LIMCH1: variants seen among roughly 807,000 people sequenced by gnomAD.
LIMCH1 encodes LIM and calponin homology domains 1, also known as LIM and calponin homology domains-containing protein 1.
A neutral mutation model predicts 176.5 loss-of-function variants in LIMCH1; 113 were observed. The ratio of observed to expected loss-of-function variants is 0.64; its 90% CI spans 0.55 to 0.75. LIMCH1 has a LOEUF of 0.75. LIMCH1 is among the 30% of genes least tolerant of loss of function. The probability of loss-of-function intolerance (pLI) is 0.00; values close to 1 mark genes in which losing one functional copy is unlikely to be tolerated. For missense variants in LIMCH1, 1,674 were observed against 1,814.9 expected (o/e 0.92, Z 1.41); for synonymous variants, 619 against 645.9 (o/e 0.96, Z 0.63).
chr4:41,528,904 G>A (rs2076964433), intron 3 of LIMCH1, among the ~76,000 whole-genome samples: 1 of 152,206 alleles, frequency 6.6e-6, no homozygotes, highest in Admixed American at 6.5e-5. Context: ...GGGTGAAGGT[G>A]TTAAAACAAA....
At position 41,626,701 on chromosome 4, in the gene LIMCH1, C is replaced by T; in HGVS notation, c.726-7C>T. On this transcript the variant is annotated splice_region_variant and splice_polypyrimidine_tract_variant and intron_variant, in intron 7 of 31. Coordinates refer to ENST00000503057, the MANE Select transcript of LIMCH1 (RefSeq NM_001330672.2). ...ATGTGGAGTCCCATTTAATTTTCCC[C>T]TATCAGTCAAAAACAATTAAGTGAA... 1 of 1,533,018 alleles carries T rather than the reference C, an allele frequency of 6.5e-7. No individual in the cohort carries two copies. The highest frequency in any genetic ancestry group is 8.7e-7 in the Non-Finnish European group (1 of 1,144,442). The allele number at this position is 1,533,018 out of a possible 1,614,324, so 95.0% of individuals were successfully genotyped here. A position where few individuals can be genotyped will look rare whatever the true frequency, so the allele number is the denominator to read the frequency against.
chr4:41,650,591 G>C lies in LIMCH1; in HGVS notation c.3019G>C (p.Val1007Leu). Residue 1007 changes from valine to leucine, a missense_variant, in exon 18 of 32, where the codon GTT (valine) becomes CTT (leucine). Val to Leu is a conservative substitution (Grantham distance 32). This residue lies in a region of LIMCH1 where 1,015 missense variants were observed against 1,102.5 expected (regional missense o/e 0.92). Coordinates refer to ENST00000503057, the MANE Select transcript of LIMCH1 (RefSeq NM_001330672.2). ...GATCAACATAAAGAAGCCAAACTCT[G>C]TTCCCCAAGAGCTCGCAGTAAGAAC... ...IEINIKKPNS[V>L]PQELAATTEK... is the part of the protein sequence containing the mutation. The C allele has an allele frequency of 5.6e-6, 9 of 1,613,490 alleles. 1 individual carries two copies. In the Middle Eastern group the frequency reaches 4.9e-4, roughly 88 times the overall value.
intron 1 of LIMCH1, among the ~76,000 whole-genome samples, chr4:41,546,785 C>T (rs1482168579): frequency 6.6e-6 from 1 of 152,010 alleles, no homozygotes; most frequent in Non-Finnish European, 1.5e-5. Flanking sequence ...TAGCTCAATT[C>T]AGTGTTCCAT....
chr4:41,466,853 CA>C (rs1189314712), intron 1 of LIMCH1, among the ~76,000 whole-genome samples: 1 of 152,170 alleles, frequency 6.6e-6, no homozygotes, highest in African/African-American at 2.4e-5. Context: ...CTGCAGCCAT[CA>C]CCACCATCCA....
At chr4:41,545,622 A>C (rs907201496) in intron 1 of LIMCH1, among the ~76,000 whole-genome samples, 2 of 152,198 alleles carry the variant, frequency 1.3e-5, no homozygotes, top group African/African-American at 4.8e-5. Context: ...CTGAAAGGAC[A>C]CTGTTGCAAC....
intron 1 of LIMCH1, among the ~76,000 whole-genome samples, chr4:41,466,890 A>T (rs1312133818): frequency 6.6e-6 from 1 of 152,066 alleles, no homozygotes; most frequent in Non-Finnish European, 1.5e-5. Context: ...TTGTCTTGTA[A>T]AACCGAAACT....
intron 31 of LIMCH1, among the ~76,000 whole-genome samples, chr4:41,693,631 A>G (rs994147858): frequency 6.6e-5 from 10 of 151,368 alleles, no homozygotes; most frequent in Non-Finnish European, 5.9e-5. Flanking sequence ...GTACATGTAT[A>G]ATAGGTAATA....
chr4:41,598,633 C>G lies in LIMCH1; in HGVS notation c.-240-287C>G, dbSNP rs193275341. 1.3e-3 allele frequency among the ~76,000 whole-genome samples: 197 copies of G among 152,214 alleles called. 1 individual carries two copies. The highest frequency in any genetic ancestry group is 4.4e-3 in the African/African-American group (182 of 41,546). On this transcript the variant is annotated intron_variant, in intron 1 of 31. Transcript: ENST00000503057. ...GAATACCTGTTTTTGAGTACAGTTC[C>G]CCCTAACAATGCTAAGTTTTCCTTT...
intron 1 of LIMCH1, among the ~76,000 whole-genome samples, chr4:41,598,655 C>A (rs1315819246): frequency 1.3e-5 from 2 of 152,110 alleles, no homozygotes; most frequent in African/African-American, 4.8e-5. Flanking sequence ...CTAAGTTTTC[C>A]TTTTTAATGG....
At position 41,360,947 on chromosome 4, in the gene LIMCH1, G is replaced by A; in HGVS notation, c.96+11G>A. ...CAGAAGTGGATTGAGGTAGGTGCGGGTGGCTGGCGGGCGGCCTTGCACTGG... is the reference window on the plus strand; with the variant it reads ...CAGAAGTGGATTGAGGTAGGTGCGGATGGCTGGCGGGCGGCCTTGCACTGG... On this transcript the variant is annotated intron_variant, in intron 1 of 26. Transcript: ENST00000313860. The surrounding 1 kb of genome is among the most constrained non-coding windows in gnomAD (Gnocchi z 4.5). 6.4e-7 allele frequency: 1 copy of A among 1,560,954 alleles called. No individual in the cohort carries two copies. Among genetic ancestry groups the A allele is most frequent in the Non-Finnish European group, 8.7e-7 (1 of 1,155,902 alleles).
At chr4:41,542,350 CTCTT>C (rs1179258061) in intron 1 of LIMCH1, among the ~76,000 whole-genome samples, 2 of 137,902 alleles carry the variant, frequency 1.5e-5, no homozygotes, top group South Asian at 4.8e-4. Flanking sequence ...GTGTTTTTCT[CTCTT>C]TCTTTCTTTT....
chr4:41,619,916 T>C (rs893454815), intron 6 of LIMCH1: 1 of 185,694 alleles, frequency 5.4e-6, no homozygotes, highest in African/African-American at 2.4e-5. Flanking sequence ...AATAAATGGA[T>C]TTCTCATCTC....
intron 20 of LIMCH1, 104 bp from the exon 21 acceptor site, chr4:41,666,457 C>T (rs780948385): frequency 7.6e-5 from 52 of 680,264 alleles, no homozygotes; most frequent in Non-Finnish European, 1.2e-4. Flanking sequence ...ACTGTTTGAA[C>T]TGAATGACTT....
At chr4:41,472,938 T>C (rs547237446) in intron 1 of LIMCH1, 1 of 761,142 alleles carries the variant, frequency 1.3e-6, no homozygotes, top group African/African-American at 1.9e-5. Flanking sequence ...CCCATGGAGC[T>C]AGGATTCTGC....
intron 1 of LIMCH1, among the ~76,000 whole-genome samples, chr4:41,555,507 A>G (rs780311647): frequency 1.3e-5 from 2 of 152,206 alleles, no homozygotes; most frequent in African/African-American, 2.4e-5. Flanking sequence ...TGACTAATCC[A>G]GCATTCAAAA....
At chr4:41,625,739 G>C (rs1324089349) in intron 7 of LIMCH1, among the ~76,000 whole-genome samples, 1 of 152,174 alleles carries the variant, frequency 6.6e-6, no homozygotes, top group Non-Finnish European at 1.5e-5. Context: ...CAGCCTGGCT[G>C]GGTTCACAAG....
intron 7 of LIMCH1, among the ~76,000 whole-genome samples, chr4:41,624,316 TA>T (rs1238268448): frequency 6.6e-6 from 1 of 151,802 alleles, no homozygotes; most frequent in Non-Finnish European, 1.5e-5. Context: ...TGTGGGGGCG[TA>T]AAAAAACCTC....
Position 41,676,396 on chromosome 4 carries a change from A to C in LIMCH1, c.3453A>C (p.Ala1151=), listed in dbSNP as rs751622253. The C allele has an allele frequency of 6.2e-7, 1 of 1,613,482 alleles. No individual in the cohort carries two copies. The highest frequency in any genetic ancestry group is 1.1e-5 in the South Asian group (1 of 91,052). Residue 1151 remains alanine (A), a synonymous_variant, in exon 23 of 32, where the codon GCA becomes GCC. Transcript: ENST00000503057. The part of the protein sequence containing the change: ...SPVMTPFKFW[A]WDPEEERRRQ... ...TTTCTAAGCAGTTTAAGTTCTGGGC[A>C]TGGGACCCAGAAGAGGAGCGCAGGC...
chr4:41,359,984 G>A (rs546790421), upstream of LIMCH1, among the ~76,000 whole-genome samples: 30 of 152,034 alleles, frequency 2.0e-4, 1 homozygote, highest in South Asian at 1.2e-3. Context: ...TACCTCGAGG[G>A]CAAGGACTTC....
Sources: allele counts gnomAD v4.1 joint callset (sites outside exome capture counted in the v4.1 genomes callset), GRCh38; gene constraint gnomAD v4.1.1; regional missense constraint gnomAD v4.1.1; non-coding constraint Gnocchi (gnomAD v3.1); transcripts MANE v1.5; gene names NCBI Gene and HGNC (gene_info 2026-07-23, HGNC 2026-07-21).